The following SUGCT variants were observed in gnomAD, a reference collection of about 807,000 sequenced individuals.
The protein encoded by SUGCT is succinyl-CoA:glutarate CoA-transferase.
A neutral mutation model predicts 55.0 loss-of-function variants in SUGCT; 41 were observed. The observed-to-expected ratio is 0.74, with a 90% CI of 0.58 to 0.97. SUGCT has a LOEUF of 0.97. SUGCT is among the 50% of genes least tolerant of loss of function. The pLI is 0.00. For missense variants in SUGCT, 568 were observed against 547.8 expected (o/e 1.04, Z -0.37); for synonymous variants, 187 against 200.4 (o/e 0.93, Z 0.56).
At chr7:40,253,593 C>G (rs1261939825) in intron 7 of SUGCT, among the ~76,000 whole-genome samples, 1 of 151,544 alleles carries the variant, frequency 6.6e-6, no homozygotes, top group East Asian at 1.9e-4. Flanking sequence ...GGCGGAGCCT[C>G]GCTCTGTTGC....
rs35948652 is a variant in SUGCT, at chr7:40,188,434, CAAAAAAAAAAA to C, written c.227-50_227-40del. Reference sequence around the variant, plus strand: ...GGGCAACAGAGCAAGACTCCATCTCCAAAAAAAAAAAAAAAAAAAAACAAACCCCAAAGATT... The same window carrying C: ...GGGCAACAGAGCAAGACTCCATCTCCAAAAAAAAAACAAACCCCAAAGATT... On this transcript the variant is annotated intron_variant, in intron 3 of 13. Transcript: ENST00000335693. 31 of 602,048 alleles carry C rather than the reference CAAAAAAAAAAA, an allele frequency of 5.1e-5. No individual in the cohort carries two copies. In the Admixed American group the frequency reaches 1.5e-3, roughly 30 times the overall value. 37.3% of individuals were successfully genotyped at this position (602,048 alleles called of 1,614,324 possible).
the SUGCT span, among the ~76,000 whole-genome samples, chr7:40,939,213 G>A: frequency 6.6e-6 from 1 of 152,186 alleles, no homozygotes; most frequent in Non-Finnish European, 1.5e-5. Flanking sequence ...GAATGAGGAA[G>A]ATGCAAAAGT....
chr7:40,367,649 T>G (rs1023204934), intron 9 of SUGCT, among the ~76,000 whole-genome samples: 1 of 151,994 alleles, frequency 6.6e-6, no homozygotes, highest in African/African-American at 2.4e-5. Flanking sequence ...ATAATAGAAA[T>G]TAATGCAATA....
At chr7:40,348,369 A>G (rs1418896459) in intron 9 of SUGCT, among the ~76,000 whole-genome samples, 1 of 152,214 alleles carries the variant, frequency 6.6e-6, no homozygotes, top group African/African-American at 2.4e-5. Context: ...AAGGGTTTAC[A>G]AAATGGTGCA....
At chr7:40,487,013 C>A (rs1791400600) in intron 11 of SUGCT, among the ~76,000 whole-genome samples, 1 of 150,986 alleles carries the variant, frequency 6.6e-6, no homozygotes, top group Admixed American at 6.6e-5. Flanking sequence ...TCTAAAGTTT[C>A]CGCTATTACT....
intron 13 of SUGCT, among the ~76,000 whole-genome samples, chr7:40,857,337 A>C (rs938993826): frequency 5.3e-5 from 8 of 152,224 alleles, no homozygotes; most frequent in Non-Finnish European, 1.2e-4. Flanking sequence ...GGGTTGCAAG[A>C]ACAGATTTCA....
chr7:40,661,073 CA>C (rs1463097317), intron 12 of SUGCT, among the ~76,000 whole-genome samples: 1 of 152,134 alleles, frequency 6.6e-6, no homozygotes, highest in Admixed American at 6.5e-5. Flanking sequence ...AATTTACAAC[CA>C]AAAGTGTGAA....
the SUGCT span, among the ~76,000 whole-genome samples, chr7:40,938,908 T>G: frequency 3.3e-5 from 5 of 152,206 alleles, no homozygotes; most frequent in Non-Finnish European, 5.9e-5. Flanking sequence ...ATTTTCTTCA[T>G]CCACTGATAG....
At chr7:41,004,806 A>G in the SUGCT span, among the ~76,000 whole-genome samples, 3 of 9,600 alleles carry the variant, frequency 3.1e-4, no homozygotes, top group Admixed American at 2.4e-3. Context: ...CCCTTGTGGA[A>G]AAAAAAAAAT....
At chr7:40,331,131 A>G (rs561373422) in intron 9 of SUGCT, among the ~76,000 whole-genome samples, 1 of 152,270 alleles carries the variant, frequency 6.6e-6, no homozygotes, top group South Asian at 2.1e-4. Context: ...TATATTGGGC[A>G]TTCAAAGCGT....
At chr7:40,627,282 G>GCAGC (rs1487818383) in intron 12 of SUGCT, among the ~76,000 whole-genome samples, 1 of 152,224 alleles carries the variant, frequency 6.6e-6, no homozygotes, top group Admixed American at 6.5e-5. Context: ...GTGGTCCTGA[G>GCAGC]CAGCCATTCA....
chr7:40,333,769 T>TA (rs397784091), intron 9 of SUGCT, among the ~76,000 whole-genome samples: 5 of 145,390 alleles, frequency 3.4e-5, no homozygotes, highest in East Asian at 2.0e-4. Flanking sequence ...TCTTTTTTTT[T>TA]AAATTTAAGT....
intron 1 of SUGCT, among the ~76,000 whole-genome samples, chr7:40,143,331 G>A (rs191351764): frequency 1.2e-4 from 19 of 152,336 alleles, no homozygotes; most frequent in Non-Finnish European, 2.1e-4. Flanking sequence ...TCCCTTGGTC[G>A]TTGGAGACAT....
chr7:41,011,570 T>C, the SUGCT span, among the ~76,000 whole-genome samples: 1 of 152,238 alleles, frequency 6.6e-6, no homozygotes, highest in South Asian at 2.1e-4. Context: ...AAGAATCTGA[T>C]TTAACAATAT....
chr7:40,267,308 A>G (rs1016747718), intron 7 of SUGCT, among the ~76,000 whole-genome samples: 8 of 152,170 alleles, frequency 5.3e-5, no homozygotes, highest in Admixed American at 2.0e-4. Context: ...TAAAAGAGCT[A>G]AATACATTTA....
chr7:40,900,929 G>T, the SUGCT span, among the ~76,000 whole-genome samples: 1 of 152,194 alleles, frequency 6.6e-6, no homozygotes, highest in Admixed American at 6.5e-5. Flanking sequence ...ATAAATGAGG[G>T]AAAATATATG....
chr7:41,015,024 T>C, the SUGCT span, among the ~76,000 whole-genome samples: 3 of 152,216 alleles, frequency 2.0e-5, no homozygotes, highest in African/African-American at 7.2e-5. Context: ...AAAAGTATGA[T>C]TGCAGGCAGA....
At chr7:40,325,910 T>G (rs1166988407) in intron 9 of SUGCT, among the ~76,000 whole-genome samples, 1 of 116,806 alleles carries the variant, frequency 8.6e-6, no homozygotes, top group Non-Finnish European at 1.9e-5. Context: ...TTTTTTTTTG[T>G]TTGTTTTTGG....
intron 12 of SUGCT, among the ~76,000 whole-genome samples, chr7:40,502,204 C>G (rs1039736539): frequency 2.0e-5 from 3 of 151,954 alleles, no homozygotes; most frequent in Admixed American, 2.0e-4. Context: ...TTTATGTTTT[C>G]TGAACACTTC....
Sources: allele counts gnomAD v4.1 joint callset (sites outside exome capture counted in the v4.1 genomes callset), GRCh38; gene constraint gnomAD v4.1.1; transcripts MANE v1.5; gene names NCBI Gene and HGNC (gene_info 2026-07-23, HGNC 2026-07-21).